The following LIFR variants were observed in gnomAD, a reference collection of about 807,000 sequenced individuals.
The protein encoded by LIFR is LIF receptor subunit alpha, also known as leukemia inhibitory factor receptor.
LIFR carries 84 observed loss-of-function variants against 122.2 expected under a neutral mutation model. The observed-to-expected ratio is 0.69, with a 90% CI of 0.58 to 0.82. The LOEUF is 0.82. Ranked by LOEUF, LIFR falls within the 40% of genes least tolerant of loss-of-function variation. The pLI, the probability that LIFR is intolerant of heterozygous loss-of-function variation, is 0.00. For missense variants in LIFR, 1,294 were observed against 1,311.6 expected (o/e 0.99, Z 0.21); for synonymous variants, 422 against 434.7 (o/e 0.97, Z 0.36).
At chr5:38,598,861 G>A (rs1186211016), upstream of LIFR, among the ~76,000 whole-genome samples, 1 of 152,194 alleles carries the variant, frequency 6.6e-6, no homozygotes, top group Non-Finnish European at 1.5e-5. Flanking sequence ...CTAGCACAAT[G>A]CCTGGTGCAT....
chr5:38,550,338 T>A, intron 1 of LIFR: 2 of 463,334 alleles, frequency 4.3e-6, no homozygotes, highest in Non-Finnish European at 5.7e-6. Context: ...AAATGCTAGA[T>A]TTTAAAGCAT....
intron 1 of LIFR, among the ~76,000 whole-genome samples, chr5:38,553,769 T>C (rs1226479820): frequency 6.7e-6 from 1 of 149,434 alleles, no homozygotes; most frequent in East Asian, 2.0e-4. Flanking sequence ...AGCTCAACAT[T>C]GGCTAATGTT....
intron 1 of LIFR, among the ~76,000 whole-genome samples, chr5:38,562,159 A>G (rs141362496): frequency 5.3e-4 from 80 of 152,066 alleles, no homozygotes; most frequent in Middle Eastern, 3.4e-3. Context: ...CCCTCTCCAT[A>G]TGGTTGGTCC....
chr5:38,526,744 A>AT (rs1746709054), intron 4 of LIFR, among the ~76,000 whole-genome samples: 1 of 152,168 alleles, frequency 6.6e-6, no homozygotes, highest in South Asian at 2.1e-4. Context: ...CTACCAATAC[A>AT]TTACATGATA....
At chr5:38,552,558 T>C (rs1748260570) in intron 1 of LIFR, among the ~76,000 whole-genome samples, 1 of 152,194 alleles carries the variant, frequency 6.6e-6, no homozygotes, top group Admixed American at 6.5e-5. Flanking sequence ...CTTACACTTA[T>C]ACAAATGGCT....
chr5:38,500,407 A>G (rs1368103683), intron 11 of LIFR, among the ~76,000 whole-genome samples: 2 of 152,216 alleles, frequency 1.3e-5, no homozygotes, highest in Non-Finnish European at 2.9e-5. Context: ...ACATAATGAA[A>G]TATCTTGGAG....
intron 1 of LIFR, among the ~76,000 whole-genome samples, chr5:38,578,308 G>C (rs143183585): frequency 6.9e-6 from 1 of 145,624 alleles, no homozygotes; most frequent in African/African-American, 2.5e-5. Context: ...CCGGTTTCAA[G>C]TGATTCCCCT....
At chr5:38,551,139 T>C (rs1748178470) in intron 1 of LIFR, among the ~76,000 whole-genome samples, 2 of 152,178 alleles carry the variant, frequency 1.3e-5, no homozygotes, top group Non-Finnish European at 2.9e-5. Flanking sequence ...TAACTTTAAC[T>C]GTTTCTATGG....
chr5:38,483,421 T>G (rs934318247), intron 18 of LIFR, among the ~76,000 whole-genome samples: 4 of 152,016 alleles, frequency 2.6e-5, no homozygotes, highest in Admixed American at 2.6e-4. Flanking sequence ...TTGGGTTTTT[T>G]TTGTTTTTTT....
At chr5:38,582,437 C>T (rs1444980904) in intron 1 of LIFR, among the ~76,000 whole-genome samples, 1 of 152,112 alleles carries the variant, frequency 6.6e-6, no homozygotes. Flanking sequence ...ATACTTACAT[C>T]GTTTTCTTAT....
At chr5:38,539,672 T>C (rs2112604687) in intron 1 of LIFR, among the ~76,000 whole-genome samples, 1 of 151,920 alleles carries the variant, frequency 6.6e-6, no homozygotes, top group Non-Finnish European at 1.5e-5. Context: ...TTTTTTTGGT[T>C]TTTTGGGGGG....
chr5:38,582,899 T>A (rs1232680498), intron 1 of LIFR, among the ~76,000 whole-genome samples: 1 of 152,242 alleles, frequency 6.6e-6, no homozygotes, highest in Non-Finnish European at 1.5e-5. Context: ...ATTGCCTTCC[T>A]TCTGAAACCT....
At position 38,528,879 on chromosome 5, in the gene LIFR, G is replaced by C. The variant is rs62355820; in HGVS notation, c.143-39C>G. On this transcript the variant is annotated intron_variant, in intron 2 of 19. Transcript: ENST00000453190. ...ACACACACACACACACACACACACA[G>C]ACACACATAAACACAGAATATGCTG... The C allele has an allele frequency of 5.5e-3, 1,906 of 344,094 alleles. 6 individuals are homozygous for C. The highest frequency in any genetic ancestry group is 9.7e-3 in the South Asian group (194 of 20,010). 21.3% of individuals were successfully genotyped at this position (344,094 alleles called of 1,614,324 possible).
At chr5:38,488,566 C>T (rs912194950) in intron 16 of LIFR, among the ~76,000 whole-genome samples, 1 of 152,126 alleles carries the variant, frequency 6.6e-6, no homozygotes, top group Admixed American at 6.5e-5. Context: ...GTACACTTGC[C>T]GATTTCCAAG....
intron 1 of LIFR, among the ~76,000 whole-genome samples, chr5:38,572,587 A>G (rs1373300238): frequency 6.6e-6 from 1 of 152,186 alleles, no homozygotes; most frequent in Non-Finnish European, 1.5e-5. Context: ...CTTATGACAG[A>G]CATCTCCAGT....
chr5:38,488,462 ATC>A (rs2112389917), intron 16 of LIFR, among the ~76,000 whole-genome samples: 1 of 152,374 alleles, frequency 6.6e-6, no homozygotes, highest in South Asian at 2.1e-4. Flanking sequence ...AATAAGAAAT[ATC>A]TGATTCTCAG....
upstream of LIFR, chr5:38,556,973 G>GCTCC (rs1748612950): frequency 6.6e-6 from 1 of 152,274 alleles, no homozygotes; most frequent in Non-Finnish European, 1.5e-5. Flanking sequence ...CGGCTCTGCG[G>GCTCC]GGAGGACCGC....
At chr5:38,524,610 A>G (rs1746578170) in intron 4 of LIFR, among the ~76,000 whole-genome samples, 13 of 152,220 alleles carry the variant, frequency 8.5e-5, no homozygotes, top group Admixed American at 8.5e-4. Context: ...AAGAGGAGCA[A>G]AAGGAATCGG....
intron 4 of LIFR, among the ~76,000 whole-genome samples, chr5:38,526,687 C>T (rs906470421): frequency 5.9e-5 from 9 of 152,104 alleles, no homozygotes; most frequent in Non-Finnish European, 4.4e-5. Flanking sequence ...TTTCTTATCC[C>T]AATACTGTTA....
Sources: gnomAD v4.1 joint callset for allele counts (sites outside exome capture counted in the v4.1 genomes callset) on GRCh38, gnomAD v4.1.1 for gene constraint, MANE v1.5 for transcripts, NCBI Gene and HGNC (gene_info 2026-07-23, HGNC 2026-07-21) for gene names.